PFKFB3: variants seen among roughly 807,000 people sequenced by gnomAD.
PFKFB3 encodes the protein 6-phosphofructo-2-kinase/fructose-2,6-bisphosphatase 3.
A neutral mutation model predicts 68.0 loss-of-function variants in PFKFB3; 33 were observed. The observed-to-expected ratio is 0.49, with a 90% CI of 0.37 to 0.65. PFKFB3 has a LOEUF of 0.65. Ranked by LOEUF, PFKFB3 falls within the 30% of genes least tolerant of loss-of-function variation. The probability of loss-of-function intolerance (pLI) is 0.00; values close to 1 mark genes in which losing one functional copy is unlikely to be tolerated. For missense variants in PFKFB3, 586 were observed against 712.2 expected (o/e 0.82, Z 2.02); for synonymous variants, 315 against 288.2 (o/e 1.09, Z -0.94).
At chr10:6,270,835 C>G in the PFKFB3 span, among the ~76,000 whole-genome samples, 5 of 152,172 alleles carry the variant, frequency 3.3e-5, no homozygotes, top group Non-Finnish European at 7.3e-5. Context: ...ACTTAAGCAC[C>G]TTGAGAGTAG....
At chr10:6,259,098 A>T (rs988393809), downstream of PFKFB3, among the ~76,000 whole-genome samples, 3 of 152,088 alleles carry the variant, frequency 2.0e-5, no homozygotes, top group Non-Finnish European at 2.9e-5. Flanking sequence ...CCACCCACCC[A>T]TGCATTCATT....
the PFKFB3 span, among the ~76,000 whole-genome samples, chr10:6,292,764 C>G: frequency 6.6e-6 from 1 of 152,154 alleles, no homozygotes; most frequent in African/African-American, 2.4e-5. Context: ...AGAAAGGTGA[C>G]TGGTTCTCAC....
chr10:6,222,046 T>TGCAC (rs1297001254), intron 10 of PFKFB3, among the ~76,000 whole-genome samples: 2 of 151,686 alleles, frequency 1.3e-5, no homozygotes, highest in East Asian at 4.0e-4. Context: ...GGGGTGGCTC[T>TGCAC]ATATCCCCTG....
chr10:6,195,499 G>A (rs922665549), intron 1 of PFKFB3, among the ~76,000 whole-genome samples: 3 of 152,198 alleles, frequency 2.0e-5, no homozygotes, highest in African/African-American at 7.2e-5. Flanking sequence ...CTGCAACCCT[G>A]ACATGCCTCC....
At chr10:6,153,943 C>A (rs959915686) in intron 1 of PFKFB3, among the ~76,000 whole-genome samples, 1 of 151,920 alleles carries the variant, frequency 6.6e-6, no homozygotes, top group Non-Finnish European at 1.5e-5. Flanking sequence ...ACATTTGGAC[C>A]AAGACTGAGG....
the PFKFB3 span, among the ~76,000 whole-genome samples, chr10:6,297,465 G>A: frequency 2.6e-5 from 4 of 152,044 alleles, no homozygotes; most frequent in African/African-American, 9.7e-5. Flanking sequence ...GTAACAAAGT[G>A]CAGATGAGAA....
chr10:6,211,784 C>A (rs1238746431), intron 1 of PFKFB3, among the ~76,000 whole-genome samples: 1 of 152,226 alleles, frequency 6.6e-6, no homozygotes, highest in Non-Finnish European at 1.5e-5. Context: ...AGCGTCTCCT[C>A]ATCTGCTGAT....
rs1844510006 is a variant in PFKFB3, at chr10:6,215,439, T to TGGGCTGTG, written c.299+128_299+129insTGGGGCTG. 4.1e-6 allele frequency: 3 copies of TGGGCTGTG among 735,724 alleles called. No individual in the cohort carries two copies. The highest frequency in any genetic ancestry group is 3.5e-4 in the Middle Eastern group (1 of 2,828). 45.6% of individuals were successfully genotyped at this position (735,724 alleles called of 1,614,324 possible). ...TAGGGCTGGGCTGTGGGAATAAGGC[T>TGGGCTGTG]GGGCTGCGGGGCTGCGGGTGTAAGG... On this transcript the variant is annotated intron_variant, in intron 3 of 14. Coordinates refer to ENST00000379775, the MANE Select transcript of PFKFB3 (RefSeq NM_004566.4). The surrounding 1 kb of genome is among the most constrained non-coding windows in gnomAD (Gnocchi z 4.3).
chr10:6,254,972 C>T (rs1029595050), downstream of PFKFB3, among the ~76,000 whole-genome samples: 3 of 151,446 alleles, frequency 2.0e-5, no homozygotes, highest in African/African-American at 7.3e-5. Flanking sequence ...CACGTGCCAC[C>T]ATCCTGGCCA....
chr10:6,310,813 A>T, the PFKFB3 span, among the ~76,000 whole-genome samples: 1 of 152,258 alleles, frequency 6.6e-6, no homozygotes, highest in Non-Finnish European at 1.5e-5. Context: ...ATCGATGTTC[A>T]TAAGAGCTTC....
At chr10:6,149,738 T>C in intron 1 of PFKFB3, 1 of 159,058 alleles carries the variant, frequency 6.3e-6, no homozygotes. Flanking sequence ...TCCATGTGCG[T>C]CCCTCCCAAA....
chr10:6,203,180 G>T lies in PFKFB3; in HGVS notation c.-81G>T. The T allele has an allele frequency of 6.4e-7, 1 of 1,554,546 alleles. No homozygotes were observed. Among genetic ancestry groups the T allele is most frequent in the Non-Finnish European group, 8.7e-7 (1 of 1,150,782 alleles). The stretch of plus-strand genomic sequence containing the variant: ...GGCGCACGCCCCCCTCTCCTCCTTT[G>T]TTCCGGGGGTCGGCGGCCGCTCTCC... On this transcript the variant is annotated 5_prime_UTR_variant, in exon 1 of 15. Coordinates refer to ENST00000379775, the MANE Select transcript of PFKFB3 (RefSeq NM_004566.4).
intron 1 of PFKFB3, among the ~76,000 whole-genome samples, chr10:6,156,127 A>ATG (rs1358879118): frequency 3.8e-4 from 18 of 46,788 alleles, no homozygotes; most frequent in African/African-American, 5.9e-4. Flanking sequence ...ATGTACATAT[A>ATG]TATGTGTGTG....
At chr10:6,206,576 AGGGGCTGACCCCCCCACCTCCCTCCCG>A (rs1843728266) in intron 1 of PFKFB3, among the ~76,000 whole-genome samples, 8 of 134,006 alleles carry the variant, frequency 6.0e-5, no homozygotes, top group Non-Finnish European at 1.1e-4. Context: ...CTGGCCGGGC[AGGGGCTGACCCCCCCACCTCCCTCCCG>A]GACGGGGTGG....
intron 1 of PFKFB3, among the ~76,000 whole-genome samples, chr10:6,176,704 A>C (rs959156264): frequency 2.0e-5 from 3 of 152,160 alleles, no homozygotes; most frequent in African/African-American, 7.2e-5. Flanking sequence ...ATATTTCCAT[A>C]ATATGTTTAT....
chr10:6,242,073 C>A (rs1286180119), intron 14 of PFKFB3, among the ~76,000 whole-genome samples: 1 of 151,884 alleles, frequency 6.6e-6, no homozygotes, highest in Non-Finnish European at 1.5e-5. Context: ...CTTTAACTGG[C>A]CTCAAGTGAT....
chr10:6,203,235 G>T lies in PFKFB3; in HGVS notation c.-26G>T. 1 of 1,603,826 alleles carries T rather than the reference G, an allele frequency of 6.2e-7. No individual in the cohort carries two copies. The highest frequency in any genetic ancestry group is 8.5e-7 in the Non-Finnish European group (1 of 1,176,102). ...AGCGTCGGGATCTCGGCCCCGGGAG[G>T]CGGGCCGTCGGGCGCAGCCGCGAAG... On this transcript the variant is annotated 5_prime_UTR_variant, in exon 1 of 15. Coordinates refer to ENST00000379775, the MANE Select transcript of PFKFB3 (RefSeq NM_004566.4).
the PFKFB3 span, among the ~76,000 whole-genome samples, chr10:6,285,316 T>G: frequency 2.6e-5 from 4 of 151,850 alleles, no homozygotes; most frequent in South Asian, 8.4e-4. Flanking sequence ...TCACTGCAAC[T>G]TCTGCCTCCT....
the PFKFB3 span, among the ~76,000 whole-genome samples, chr10:6,300,722 G>A: frequency 1.3e-5 from 2 of 152,114 alleles, no homozygotes; most frequent in Non-Finnish European, 2.9e-5. Flanking sequence ...GCGAGGCACC[G>A]TGGAAGTCCA....
Sources: gnomAD v4.1 joint callset for allele counts (sites outside exome capture counted in the v4.1 genomes callset) on GRCh38, gnomAD v4.1.1 for gene constraint, Gnocchi (gnomAD v3.1) non-coding constraint, MANE v1.5 for transcripts, NCBI Gene and HGNC (gene_info 2026-07-23, HGNC 2026-07-21) for gene names.